Variants in JPH2 observed in about 807,000 individuals in gnomAD.
The protein encoded by JPH2 is junctophilin 2.
JPH2 carries 38 observed loss-of-function variants against 55.9 expected under a neutral mutation model. The observed-to-expected ratio is 0.68, with a 90% CI of 0.52 to 0.89. The LOEUF is 0.89. JPH2 is among the 40% of genes least tolerant of loss of function. The pLI is 0.00. For synonymous variants in JPH2, 480 were observed against 472.4 expected (o/e 1.02, Z -0.21); for missense variants, 964 against 1,037.6 (o/e 0.93, Z 0.97).
chr20:44,160,193 G>T lies in JPH2; in HGVS notation c.594C>A (p.Gly198=). Residue 198 remains glycine (G), a synonymous_variant, in exon 2 of 6, where the codon GGC becomes GGA. Transcript: ENST00000372980. The surrounding 1 kb of genome is among the most constrained non-coding windows in gnomAD (Gnocchi z 4.9). ...TGGCCAGGAGGCTGAGCGCGAAGCC[G>T]CCACGCGGGATGGCGGGCGAGGGCA... is the stretch of plus-strand genomic sequence containing the variant. ...PALPSPAIPR[G]GFALSLLANA... The T allele has an allele frequency of 7.1e-7, 1 of 1,401,100 alleles. No homozygotes were observed. Among genetic ancestry groups the T allele is most frequent in the South Asian group, 1.5e-5 (1 of 64,628 alleles). 86.8% of individuals were successfully genotyped at this position (1,401,100 alleles called of 1,614,324 possible). A position where few individuals can be genotyped will look rare whatever the true frequency, so the allele number is the denominator to read the frequency against.
Position 44,110,426 on chromosome 20 carries a change from GTGTT to G in JPH2, c.*3088_*3091del, listed in dbSNP as rs1248187148. Among the ~76,000 whole-genome samples the G allele has an allele frequency of 3.6e-4, 38 of 105,236 alleles. No homozygotes were observed. Among genetic ancestry groups the G allele is most frequent in the African/African-American group, 1.8e-3 (35 of 19,266 alleles). 69.0% of individuals were successfully genotyped at this position (105,236 alleles called of 152,430 possible). A position where few individuals can be genotyped will look rare whatever the true frequency, so the allele number is the denominator to read the frequency against. ...TCATTCCAGAGTTTTGAAAACTTTT[GTGTT>G]TTTTTTTTTTTCCAGATGGAGTCTT... On this transcript the variant is annotated 3_prime_UTR_variant, in exon 6 of 6. Coordinates refer to ENST00000372980, the MANE Select transcript of JPH2 (RefSeq NM_020433.5).
At chr20:44,171,678 C>T (rs1478676287) in intron 1 of JPH2, among the ~76,000 whole-genome samples, 1 of 152,166 alleles carries the variant, frequency 6.6e-6, no homozygotes, top group African/African-American at 2.4e-5. Context: ...TGTGCGGCCT[C>T]CCCTGTCACC....
At chr20:44,124,374 C>T (rs983680789) in intron 2 of JPH2, among the ~76,000 whole-genome samples, 6 of 152,176 alleles carry the variant, frequency 3.9e-5, no homozygotes, top group African/African-American at 1.4e-4. Flanking sequence ...CTCTCCCCTC[C>T]TGCCGCGATC....
rs868113176 is a variant in JPH2, at chr20:44,187,001, T to C, written c.-296A>G. On this transcript the variant is annotated 5_prime_UTR_variant, in exon 1 of 6. Transcript: ENST00000372980. ...CAAAGTCCCCACAAAGCGTCCCAAG[T>C]CTGCCTTCCAAGAAGTCCAAGGGAA... 50 of 499,106 alleles carry C rather than the reference T, an allele frequency of 1.0e-4. No homozygotes were observed. The highest frequency in any genetic ancestry group is 8.9e-4 in the African/African-American group (46 of 51,974). The allele number at this position is 499,106 out of a possible 1,614,324, so 30.9% of individuals were successfully genotyped here.
At position 44,114,565 on chromosome 20, in the gene JPH2, AGTGTGTGT is replaced by A. The variant is rs3037626; in HGVS notation, c.*14+209_*14+216del. On this transcript the variant is annotated intron_variant, in intron 5 of 5. Coordinates refer to ENST00000372980, the MANE Select transcript of JPH2 (RefSeq NM_020433.5). ...CTGCAAACACTAAGCTAATGAAGTA[AGTGTGTGT>A]GTGTGTGTGTGTGTGTGTGTGTGTG... is the stretch of plus-strand genomic sequence containing the variant. 0.23 allele frequency among the ~76,000 whole-genome samples: 32,635 copies of A among 141,774 alleles called. 4,010 individuals are homozygous for A. Among genetic ancestry groups the A allele is most frequent in the Non-Finnish European group, 0.29 (18,840 of 65,216 alleles). 93.0% of individuals were successfully genotyped at this position (141,774 alleles called of 152,430 possible).
chr20:44,159,888 C>G lies in JPH2; in HGVS notation c.899G>C (p.Arg300Pro), dbSNP rs2072594403. 1 of 1,613,284 alleles carries G rather than the reference C, an allele frequency of 6.2e-7. No homozygotes were observed. Among genetic ancestry groups the G allele is most frequent in the Non-Finnish European group, 8.5e-7 (1 of 1,179,812 alleles). Residue 300 changes from arginine (R) to proline (P), a missense_variant, in exon 2 of 6, where the codon CGC becomes CCC. Coordinates refer to ENST00000372980, the MANE Select transcript of JPH2 (RefSeq NM_020433.5). The surrounding 1 kb of genome is among the most constrained non-coding windows in gnomAD (Gnocchi z 5.7). ...TYMGEWKNDK[R>P]SGFGVSERSS... The stretch of plus-strand genomic sequence containing the variant: ...GCGTTCGCTCACGCCGAAGCCCGAG[C>G]GTTTGTCGTTCTTCCACTCGCCCAT...
rs769018756 is a variant in JPH2 at position 44,146,035 on chromosome 20, C to CT, written c.1169+13582dup. Among the ~76,000 whole-genome samples the CT allele has an allele frequency of 3.5e-3, 490 of 138,774 alleles. 1 individual carries two copies. Among genetic ancestry groups the CT allele is most frequent in the South Asian group, 8.1e-3 (35 of 4,312 alleles). The allele number at this position is 138,774 out of a possible 152,430, so 91.0% of individuals were successfully genotyped here. A position where few individuals can be genotyped will look rare whatever the true frequency, so the allele number is the denominator to read the frequency against. The stretch of plus-strand genomic sequence containing the variant: ...CCCAAAATGCATGGTCACCATTGTT[C>CT]TTTTTTTTTTTTTTTTGAGATGGAG... On this transcript the variant is annotated intron_variant, in intron 2 of 5. Transcript: ENST00000372980.
At chr20:44,128,321 C>G (rs2072291685) in intron 2 of JPH2, among the ~76,000 whole-genome samples, 1 of 148,402 alleles carries the variant, frequency 6.7e-6, no homozygotes, top group African/African-American at 2.4e-5. Context: ...GAGGTAGGTA[C>G]TACCACCACT....
intron 2 of JPH2, among the ~76,000 whole-genome samples, chr20:44,126,269 T>C (rs1357630606): frequency 6.6e-6 from 1 of 152,024 alleles, no homozygotes; most frequent in South Asian, 2.1e-4. Context: ...ATGTCCTAAA[T>C]GCCACTGAAT....
Position 44,115,936 on chromosome 20 carries a change from G to A in JPH2, c.1739C>T (p.Pro580Leu). 1.3e-6 allele frequency: 2 copies of A among 1,570,460 alleles called. No homozygotes were observed. The highest frequency in any genetic ancestry group is 2.3e-5 in the East Asian group (1 of 43,558). ...CTCGGGCTCGGGCTGGTCCTCAAAG[G>A]GTGGGGGCTCGGGCGGCGTGGTGCG... is the stretch of plus-strand genomic sequence containing the variant. ...AVRTTPPEPP[P>L]FEDQPEPEVS... The change falls in exon 4 of 6, where the codon CCC becomes CTC. Residue 580 changes from proline to leucine, a missense_variant. By Grantham distance (98) the Pro-to-Leu change is moderately conservative (BLOSUM62 -3). Coordinates refer to ENST00000372980, the MANE Select transcript of JPH2 (RefSeq NM_020433.5).
intron 2 of JPH2, among the ~76,000 whole-genome samples, chr20:44,131,027 T>C (rs759331279): frequency 2.4e-4 from 36 of 152,228 alleles, no homozygotes; most frequent in Non-Finnish European, 4.4e-4. Flanking sequence ...TTTTCTCTTC[T>C]TCAAAGTAAG....
chr20:44,185,618 G>A (rs190920035), intron 1 of JPH2, among the ~76,000 whole-genome samples: 1 of 147,368 alleles, frequency 6.8e-6, no homozygotes. Context: ...CTGGGCAACA[G>A]AACGAGAACT....
rs1336822960 is a variant in JPH2, at chr20:44,186,384, C to T, written c.322G>A (p.Gly108Ser). 6.2e-7 allele frequency: 1 copy of T among 1,613,668 alleles called. No homozygotes were observed. Among genetic ancestry groups the T allele is most frequent in the Non-Finnish European group, 8.5e-7 (1 of 1,179,976 alleles). Residue 108 changes from glycine (G) to serine (S), a missense_variant, in exon 1 of 6, where the codon GGC (glycine) becomes AGC (serine). Gly to Ser is a moderately conservative substitution (Grantham distance 56). Transcript: ENST00000372980. Reference protein sequence around the residue: ...QSSSSGAKYEGTWNNGLQDGY... With the variant: ...QSSSSGAKYESTWNNGLQDGY... Reference sequence around the variant, plus strand: ...TCTTGCAGGCCATTGTTCCAGGTGCCCTCATACTTGGCACCGCTGCTTGAG... The same window carrying T: ...TCTTGCAGGCCATTGTTCCAGGTGCTCTCATACTTGGCACCGCTGCTTGAG...
intron 2 of JPH2, among the ~76,000 whole-genome samples, chr20:44,134,998 G>A (rs1181672405): frequency 6.9e-6 from 1 of 144,114 alleles, no homozygotes; most frequent in Non-Finnish European, 1.5e-5. Context: ...ATGACCAAGT[G>A]GACAGAATAC....
chr20:44,150,540 A>G (rs748895183), intron 2 of JPH2, among the ~76,000 whole-genome samples: 3 of 152,238 alleles, frequency 2.0e-5, no homozygotes, highest in East Asian at 1.9e-4. Flanking sequence ...GCTAAAATCC[A>G]TATGGAAATG....
At chr20:44,153,435 A>G (rs1600854083) in intron 2 of JPH2, among the ~76,000 whole-genome samples, 1 of 152,340 alleles carries the variant, frequency 6.6e-6, no homozygotes, top group East Asian at 1.9e-4. Flanking sequence ...CCCATGGACT[A>G]CATAGGTTCC....
intron 2 of JPH2, among the ~76,000 whole-genome samples, chr20:44,134,271 T>TAA (rs2072363736): frequency 6.5e-5 from 2 of 30,750 alleles, no homozygotes; most frequent in Non-Finnish European, 1.1e-4. Context: ...ATATTTATTA[T>TAA]ATATACATAT....
rs1024523908 is a variant in JPH2, at chr20:44,162,751, T to C, written c.380-2344A>G. On this transcript the variant is annotated intron_variant, in intron 1 of 5. Coordinates refer to ENST00000372980, the MANE Select transcript of JPH2 (RefSeq NM_020433.5). ...ATACTCCTTAATAAACTTCCATATA[T>C]ATATATATATATATATATATATATA... Among the ~76,000 whole-genome samples the C allele has an allele frequency of 7.7e-4, 28 of 36,200 alleles. 1 individual carries two copies. The highest frequency in any genetic ancestry group is 6.7e-3 in the Admixed American group (26 of 3,906). 23.7% of individuals were successfully genotyped at this position (36,200 alleles called of 152,430 possible). A position where few individuals can be genotyped will look rare whatever the true frequency, so the allele number is the denominator to read the frequency against.
intron 2 of JPH2, among the ~76,000 whole-genome samples, chr20:44,140,019 G>A (rs534138503): frequency 6.6e-6 from 1 of 152,122 alleles, no homozygotes; most frequent in African/African-American, 2.4e-5. Flanking sequence ...CTACAGGCGC[G>A]TGCCACCTTG....
Sources: allele counts gnomAD v4.1 joint callset (sites outside exome capture counted in the v4.1 genomes callset), GRCh38; gene constraint gnomAD v4.1.1; non-coding constraint Gnocchi (gnomAD v3.1); transcripts MANE v1.5; gene names NCBI Gene and HGNC (gene_info 2026-07-23, HGNC 2026-07-21).